Variants in CDH12 observed in about 807,000 individuals in gnomAD.
The protein encoded by CDH12 is cadherin-12.
Under a neutral mutation model 74.1 loss-of-function variants are expected in CDH12, and 41 were observed. The observed-to-expected ratio is 0.55, with a 90% CI of 0.43 to 0.72. The LOEUF (loss-of-function observed/expected upper bound fraction) is 0.72, where lower values mean the gene tolerates loss of function less well. Among genes scored for constraint, CDH12 ranks in the 30% least tolerant of loss-of-function variants. The pLI is 0.00. For missense variants in CDH12, 945 were observed against 977.2 expected (o/e 0.97, Z 0.44); for synonymous variants, 399 against 355.0 (o/e 1.12, Z -1.39).
chr5:22,755,656 T>C (rs1162948887), intron 1 of CDH12, among the ~76,000 whole-genome samples: 1 of 152,164 alleles, frequency 6.6e-6, no homozygotes, highest in African/African-American at 2.4e-5. Flanking sequence ...TTGACATCTT[T>C]CTTCTCTTGT....
intron 6 of CDH12, among the ~76,000 whole-genome samples, chr5:21,907,972 C>T (rs1426929626): frequency 6.6e-6 from 1 of 152,160 alleles, no homozygotes; most frequent in Admixed American, 6.6e-5. Flanking sequence ...TGCAACTGAT[C>T]CAGCTATGTG....
chr5:22,827,975 A>G (rs183473067), intron 1 of CDH12, among the ~76,000 whole-genome samples: 291 of 152,292 alleles, frequency 1.9e-3, no homozygotes, highest in Non-Finnish European at 3.0e-3. Flanking sequence ...AAATTATTTA[A>G]AAAGTAAAAT....
At chr5:22,751,169 G>A (rs1277805396) in intron 1 of CDH12, among the ~76,000 whole-genome samples, 1 of 151,602 alleles carries the variant, frequency 6.6e-6, no homozygotes, top group African/African-American at 2.4e-5. Context: ...GAAAAGTAAC[G>A]TTTGGGTAAT....
chr5:21,937,846 C>T (rs1755145048), intron 6 of CDH12, among the ~76,000 whole-genome samples: 1 of 152,150 alleles, frequency 6.6e-6, no homozygotes, highest in Non-Finnish European at 1.5e-5. Context: ...CACTGTGGGA[C>T]CTTGGCAGAC....
chr5:21,899,419 G>A (rs1267041838), intron 6 of CDH12, among the ~76,000 whole-genome samples: 1 of 152,168 alleles, frequency 6.6e-6, no homozygotes, highest in African/African-American at 2.4e-5. Context: ...TCATGGACAT[G>A]TTAAATCAAG....
rs36020133 is a variant in CDH12, at chr5:22,456,107, T to TTATA, written c.-428+49159_-428+49162dup. Among the ~76,000 whole-genome samples, 178 of 147,880 alleles carry TTATA rather than the reference T, an allele frequency of 1.2e-3. 1 individual carries two copies. Among genetic ancestry groups the TTATA allele is most frequent in the Middle Eastern group, 3.5e-3 (1 of 286 alleles). ...ATTATTCATTTCTGCCATGTGGATA[T>TTATA]TATATATATATATATATATATATAT... On this transcript the variant is annotated intron_variant, in intron 2 of 14. Coordinates refer to ENST00000382254, the MANE Select transcript of CDH12 (RefSeq NM_004061.5).
intron 6 of CDH12, among the ~76,000 whole-genome samples, chr5:21,908,873 T>G (rs1753749537): frequency 1.3e-5 from 2 of 152,176 alleles, no homozygotes; most frequent in Admixed American, 1.3e-4. Context: ...TGTGAATGCT[T>G]GTGAGATCTT....
chr5:22,601,389 C>A (rs1736848479), intron 1 of CDH12, among the ~76,000 whole-genome samples: 1 of 109,646 alleles, frequency 9.1e-6, no homozygotes, highest in Non-Finnish European at 1.8e-5. Flanking sequence ...GAACAACAGA[C>A]ACTGGGATTA....
chr5:21,844,999 G>GTAGA (rs60865016), intron 7 of CDH12, among the ~76,000 whole-genome samples: 72,811 of 149,532 alleles, frequency 0.49, 19,590 homozygotes, highest in Non-Finnish European at 0.62. Context: ...ACTGAGGTAG[G>GTAGA]TAGATAGATA....
chr5:22,751,786 T>C (rs2127035550), intron 1 of CDH12, among the ~76,000 whole-genome samples: 1 of 152,284 alleles, frequency 6.6e-6, no homozygotes, highest in East Asian at 1.9e-4. Flanking sequence ...TTGTTGGTAT[T>C]TTATTCTAAA....
chr5:21,805,471 C>T (rs911931591), intron 9 of CDH12, among the ~76,000 whole-genome samples: 1 of 152,104 alleles, frequency 6.6e-6, no homozygotes, highest in Non-Finnish European at 1.5e-5. Context: ...ATAAAAGAAT[C>T]CTGTACATAC....
At chr5:22,417,532 T>C (rs962038183) in intron 2 of CDH12, among the ~76,000 whole-genome samples, 4 of 152,216 alleles carry the variant, frequency 2.6e-5, no homozygotes, top group Admixed American at 1.3e-4. Context: ...AGTTCCTTCA[T>C]CCTGGACTTC....
intron 3 of CDH12, among the ~76,000 whole-genome samples, chr5:22,288,406 TCAAA>T (rs1214744924): frequency 9.9e-5 from 15 of 152,184 alleles, no homozygotes; most frequent in Non-Finnish European, 2.2e-4. Context: ...AGATGCTGCT[TCAAA>T]ACATTGTCAT....
intron 1 of CDH12, among the ~76,000 whole-genome samples, chr5:22,834,411 G>C (rs1307981224): frequency 6.6e-6 from 1 of 152,158 alleles, no homozygotes; most frequent in Non-Finnish European, 1.5e-5. Flanking sequence ...AGGTTTGCAA[G>C]TAGAGTTCTC....
chr5:22,541,390 A>G (rs1434935238), intron 1 of CDH12, among the ~76,000 whole-genome samples: 4 of 152,198 alleles, frequency 2.6e-5, no homozygotes, highest in African/African-American at 4.8e-5. Context: ...TGCCTAAAAT[A>G]GACACCATTT....
chr5:22,682,233 A>G (rs549573647), intron 1 of CDH12, among the ~76,000 whole-genome samples: 1 of 152,230 alleles, frequency 6.6e-6, no homozygotes, highest in South Asian at 2.1e-4. Flanking sequence ...GCTTAAGCAC[A>G]AGATACTAGT....
At chr5:22,218,702 A>C (rs2150367489) in intron 3 of CDH12, among the ~76,000 whole-genome samples, 1 of 151,792 alleles carries the variant, frequency 6.6e-6, no homozygotes, top group South Asian at 2.1e-4. Flanking sequence ...TTTGCAAGTT[A>C]AATATGTGCA....
chr5:22,833,539 C>G (rs954156350), intron 1 of CDH12, among the ~76,000 whole-genome samples: 15 of 152,152 alleles, frequency 9.9e-5, no homozygotes, highest in African/African-American at 3.6e-4. Flanking sequence ...AATATTTTCA[C>G]TTAACTATCA....
chr5:22,766,132 G>A (rs1379149650), intron 1 of CDH12, among the ~76,000 whole-genome samples: 1 of 151,956 alleles, frequency 6.6e-6, no homozygotes, highest in Non-Finnish European at 1.5e-5. Context: ...CTATTAGAAA[G>A]TATGGAGAGC....
Sources: allele counts gnomAD v4.1 joint callset (sites outside exome capture counted in the v4.1 genomes callset), GRCh38; gene constraint gnomAD v4.1.1; transcripts MANE v1.5; gene names NCBI Gene and HGNC (gene_info 2026-07-23, HGNC 2026-07-21).